SUMF1: variants seen among roughly 807,000 people sequenced by gnomAD.
The protein encoded by SUMF1 is formylglycine-generating enzyme.
In SUMF1, 48 loss-of-function variants were observed where a neutral mutation model predicts 47.6. That is an observed-to-expected ratio of 1.01 (90% CI 0.80 to 1.28). The LOEUF is 1.28. Among genes scored for constraint, SUMF1 ranks in the 50% most tolerant of loss-of-function variants. SUMF1 has a pLI of 0.00. For synonymous variants in SUMF1, 230 were observed against 192.1 expected, an observed-to-expected ratio of 1.20 and a Z score of -1.63; for missense variants, 571 against 485.4, an observed-to-expected ratio of 1.18 and a Z score of -1.66.
At chr3:4,208,226 C>T (rs1402371172) in intron 8 of SUMF1, among the ~76,000 whole-genome samples, 2 of 152,102 alleles carry the variant, frequency 1.3e-5, no homozygotes, top group African/African-American at 4.8e-5. Context: ...AAATACCCAA[C>T]TCCAGCCCCC....
At chr3:4,169,874 C>G (rs566776713) in intron 8 of SUMF1, among the ~76,000 whole-genome samples, 3 of 152,110 alleles carry the variant, frequency 2.0e-5, no homozygotes, top group Non-Finnish European at 4.4e-5. Flanking sequence ...GCAAAAGCCT[C>G]GTTAAAAGAA....
intron 8 of SUMF1, among the ~76,000 whole-genome samples, chr3:4,245,506 G>T (rs1001813639): frequency 2.6e-5 from 4 of 152,142 alleles, no homozygotes; most frequent in African/African-American, 9.7e-5. Flanking sequence ...TCAGCTGCAG[G>T]TCTGTTGGAG....
intron 8 of SUMF1, among the ~76,000 whole-genome samples, chr3:4,365,823 A>T (rs1048821977): frequency 6.6e-6 from 1 of 151,970 alleles, no homozygotes; most frequent in Non-Finnish European, 1.5e-5. Context: ...GATGGTCTTT[A>T]CAATTTGGCA....
chr3:4,385,235 T>C (rs562379410), intron 7 of SUMF1, among the ~76,000 whole-genome samples: 1 of 152,218 alleles, frequency 6.6e-6, no homozygotes, highest in African/African-American at 2.4e-5. Context: ...AGAATGGCTG[T>C]ACTCTGTCAC....
At chr3:4,466,847 A>C (rs1038987127) in intron 1 of SUMF1, 129 bp downstream of exon 1, 2 of 1,375,944 alleles carry the variant, frequency 1.5e-6, no homozygotes, top group Non-Finnish European at 2.0e-6. Flanking sequence ...ATACGGGAAC[A>C]GCAGGTGCTC....
At chr3:4,243,459 G>A (rs569304288) in intron 8 of SUMF1, among the ~76,000 whole-genome samples, 4 of 152,122 alleles carry the variant, frequency 2.6e-5, no homozygotes, top group Non-Finnish European at 5.9e-5. Flanking sequence ...ATGGTATGTT[G>A]TGTCTTTGTT....
intron 8 of SUMF1, among the ~76,000 whole-genome samples, chr3:4,101,767 G>C (rs1164255604): frequency 6.6e-6 from 1 of 152,036 alleles, no homozygotes; most frequent in Non-Finnish European, 1.5e-5. Flanking sequence ...ATTTTTTTCA[G>C]AGAGGTAGAA....
At chr3:4,363,521 G>GT (rs1322694035) in intron 8 of SUMF1, among the ~76,000 whole-genome samples, 1 of 151,542 alleles carries the variant, frequency 6.6e-6, no homozygotes, top group Non-Finnish European at 1.5e-5. Context: ...TTGGCTCTCT[G>GT]TTTGTCTGTT....
chr3:4,273,494 T>C (rs1485644749), intron 8 of SUMF1, among the ~76,000 whole-genome samples: 1 of 152,000 alleles, frequency 6.6e-6, no homozygotes, highest in East Asian at 1.9e-4. Context: ...GATCAACGAC[T>C]GCCTGAGGCT....
chr3:4,172,447 T>C (rs1397116444), intron 8 of SUMF1, among the ~76,000 whole-genome samples: 6 of 152,202 alleles, frequency 3.9e-5, no homozygotes, highest in Non-Finnish European at 1.5e-5. Flanking sequence ...AGCACACTTT[T>C]TGAGTCCCAG....
intron 8 of SUMF1, among the ~76,000 whole-genome samples, chr3:4,263,150 G>T (rs1001586001): frequency 1.3e-5 from 2 of 152,154 alleles, no homozygotes; most frequent in African/African-American, 4.8e-5. Flanking sequence ...AGGGTTTCCT[G>T]CAGAATAAGA....
At chr3:4,140,860 C>T (rs533560779) in intron 8 of SUMF1, among the ~76,000 whole-genome samples, 23 of 152,038 alleles carry the variant, frequency 1.5e-4, no homozygotes, top group East Asian at 1.4e-3. Flanking sequence ...GAAAATAAAC[C>T]TCTCAAGGAA....
intron 8 of SUMF1, among the ~76,000 whole-genome samples, chr3:4,177,214 A>G (rs962575953): frequency 6.6e-6 from 1 of 152,200 alleles, no homozygotes; most frequent in Non-Finnish European, 1.5e-5. Context: ...AGAACTCTAA[A>G]GACCAAATCA....
At chr3:4,181,141 C>G (rs1695087294) in intron 8 of SUMF1, among the ~76,000 whole-genome samples, 1 of 152,112 alleles carries the variant, frequency 6.6e-6, no homozygotes, top group Non-Finnish European at 1.5e-5. Context: ...AAGGGTGTCT[C>G]CCATTGTGCT....
At chr3:4,113,047 C>T (rs1693346014) in intron 8 of SUMF1, among the ~76,000 whole-genome samples, 1 of 151,952 alleles carries the variant, frequency 6.6e-6, no homozygotes, top group Admixed American at 6.6e-5. Flanking sequence ...TTTGGTAAAG[C>T]TGATTTAAAA....
intron 8 of SUMF1, among the ~76,000 whole-genome samples, chr3:4,250,967 G>A (rs1696788485): frequency 6.6e-6 from 1 of 152,144 alleles, no homozygotes; most frequent in Non-Finnish European, 1.5e-5. Flanking sequence ...GCATTCCATA[G>A]ATCAAGGAGT....
At chr3:4,109,417 C>A (rs1301960032) in intron 8 of SUMF1, among the ~76,000 whole-genome samples, 1 of 152,032 alleles carries the variant, frequency 6.6e-6, no homozygotes, top group Non-Finnish European at 1.5e-5. Context: ...AGTTGCTCTT[C>A]TCGAGGAGTA....
chr3:4,113,814 A>C (rs560357763), intron 8 of SUMF1, among the ~76,000 whole-genome samples: 11 of 152,156 alleles, frequency 7.2e-5, no homozygotes, highest in Non-Finnish European at 1.5e-4. Context: ...TGGGGTAGGC[A>C]GATAGGAACA....
chr3:4,178,909 A>G (rs951953229), intron 8 of SUMF1, among the ~76,000 whole-genome samples: 3 of 152,192 alleles, frequency 2.0e-5, no homozygotes, highest in Non-Finnish European at 2.9e-5. Context: ...AGACAAACAA[A>G]GAGCCAAATC....
Sources: allele counts gnomAD v4.1 joint callset (sites outside exome capture counted in the v4.1 genomes callset), GRCh38; gene constraint gnomAD v4.1.1; transcripts MANE v1.5; gene names NCBI Gene and HGNC (gene_info 2026-07-23, HGNC 2026-07-21).